Variants in ZNF516 observed in about 807,000 individuals in gnomAD.
ZNF516 encodes zinc finger protein 516.
In ZNF516, 19 loss-of-function variants were observed where a neutral mutation model predicts 79.7. That is an observed-to-expected ratio of 0.24 (90% CI 0.17 to 0.35). The LOEUF (loss-of-function observed/expected upper bound fraction) is 0.35, where lower values mean the gene tolerates loss of function less well. ZNF516 is among the 10% of genes least tolerant of loss of function. ZNF516 has a pLI of 1.00. For synonymous variants in ZNF516, 877 were observed against 739.5 expected, an observed-to-expected ratio of 1.19 and a Z score of -3.02; for missense variants, 1,678 against 1,679.5, an observed-to-expected ratio of 1.00 and a Z score of 0.02.
rs1026043173 is a variant in ZNF516, at chr18:76,373,360, A to G, written c.3260-1789T>C. On this transcript the variant is annotated intron_variant, in intron 4 of 6. Coordinates refer to ENST00000443185, the MANE Select transcript of ZNF516 (RefSeq NM_014643.4). ...AGAAAAGGAAGGAAAGGAAAGAAAG[A>G]AAAGAGATTTTTTAAGCTATTTTGT... Among the ~76,000 whole-genome samples, 25 of 144,596 alleles carry G rather than the reference A, an allele frequency of 1.7e-4. 1 individual carries two copies. Among genetic ancestry groups the G allele is most frequent in the Non-Finnish European group, 7.4e-5 (5 of 67,936 alleles). The allele number at this position is 144,596 out of a possible 152,430, so 94.9% of individuals were successfully genotyped here. A position where few individuals can be genotyped will look rare whatever the true frequency, so the allele number is the denominator to read the frequency against.
At chr18:76,473,427 A>G (rs1225122506) in intron 1 of ZNF516, among the ~76,000 whole-genome samples, 1 of 151,864 alleles carries the variant, frequency 6.6e-6, no homozygotes, top group African/African-American at 2.4e-5. Context: ...AGAGAAAAAT[A>G]TATCAGAAAA....
intron 1 of ZNF516, chr18:76,488,353 C>A (rs756626113): frequency 6.0e-6 from 4 of 664,558 alleles, no homozygotes; most frequent in Admixed American, 6.3e-5. Flanking sequence ...GGCCTTTTTG[C>A]GGGATGCTAG....
intron 3 of ZNF516, among the ~76,000 whole-genome samples, chr18:76,384,631 C>T (rs556821324): frequency 2.7e-5 from 4 of 148,300 alleles, no homozygotes; most frequent in South Asian, 2.3e-4. Flanking sequence ...TGGGACCTGG[C>T]GTAGGTGGCT....
chr18:76,428,705 C>T (rs2075626176), intron 3 of ZNF516, among the ~76,000 whole-genome samples: 1 of 152,228 alleles, frequency 6.6e-6, no homozygotes. Context: ...CTTACACAAG[C>T]AAATACATTT....
At chr18:76,439,969 G>C (rs924091844) in intron 3 of ZNF516, among the ~76,000 whole-genome samples, 1 of 152,086 alleles carries the variant, frequency 6.6e-6, no homozygotes, top group African/African-American at 2.4e-5. Context: ...ATCCAAAAGT[G>C]TTCATTGAAT....
chr18:76,389,430 A>T (rs2075038768), intron 3 of ZNF516: 3 of 152,244 alleles, frequency 2.0e-5, no homozygotes. Context: ...CAGCTGCCTT[A>T]TAAACAGTGC....
intron 3 of ZNF516, among the ~76,000 whole-genome samples, chr18:76,407,773 C>T (rs1190906610): frequency 6.6e-6 from 1 of 152,246 alleles, no homozygotes; most frequent in Non-Finnish European, 1.5e-5. Flanking sequence ...TCGTTGCCAG[C>T]CACCCAGACA....
At chr18:76,435,289 T>C (rs1257105558) in intron 3 of ZNF516, among the ~76,000 whole-genome samples, 1 of 152,222 alleles carries the variant, frequency 6.6e-6, no homozygotes, top group East Asian at 1.9e-4. Flanking sequence ...CTAACGCTTT[T>C]CACAGTCTAA....
In ZNF516 at chr18:76,442,581, C is replaced by G. The variant is rs140311885; in HGVS notation, c.474G>C (p.Lys158Asn). 6.3e-7 allele frequency: 1 copy of G among 1,598,130 alleles called. No homozygotes were observed. Among genetic ancestry groups the G allele is most frequent in the South Asian group, 1.1e-5 (1 of 91,008 alleles). The part of the protein sequence containing the change: ...SGRVLLRSSK[K>N]GAEGSACAPG... The stretch of plus-strand genomic sequence containing the variant: ...GGGCGCATGCGGACCCCTCTGCCCC[C>G]TTCTTGCTGCTCCGCAGCAGGACTC... Residue 158 changes from lysine (K) to asparagine (N), a missense_variant, in exon 3 of 7, where the codon AAG (lysine) becomes AAC (asparagine). By Grantham distance (94) the Lys-to-Asn change is moderately conservative. Coordinates refer to ENST00000443185, the MANE Select transcript of ZNF516 (RefSeq NM_014643.4).
intron 3 of ZNF516, among the ~76,000 whole-genome samples, chr18:76,414,001 T>C (rs1330450639): frequency 6.6e-6 from 1 of 152,250 alleles, no homozygotes; most frequent in Non-Finnish European, 1.5e-5. Context: ...TAAACAAACA[T>C]TGGAACAAAA....
upstream of ZNF516, chr18:76,495,729 T>TA (rs1190772546): frequency 1.7e-6 from 2 of 1,177,198 alleles, no homozygotes; most frequent in East Asian, 1.8e-4. Flanking sequence ...CGCCGGCGGG[T>TA]ACCTGGGCAC....
intron 3 of ZNF516, among the ~76,000 whole-genome samples, chr18:76,384,700 G>C (rs1259384755): frequency 1.3e-5 from 2 of 151,502 alleles, no homozygotes; most frequent in Non-Finnish European, 2.9e-5. Flanking sequence ...GAAGTGTCCG[G>C]GGAGGGGGCT....
At chr18:76,433,793 A>G (rs1187843199) in intron 3 of ZNF516, among the ~76,000 whole-genome samples, 1 of 152,164 alleles carries the variant, frequency 6.6e-6, no homozygotes, top group African/African-American at 2.4e-5. Context: ...CGGATACAGG[A>G]GGGCGACAAC....
At position 76,443,046 on chromosome 18, in the gene ZNF516, G is replaced by A; in HGVS notation, c.9C>T (p.Arg3=). Reference sequence around the variant, plus strand: ...TCAGCTCCATCTCGGCCTCTCTGTTGCGATCCATCCGAAGGACGGGCGCGG... The same window carrying A: ...TCAGCTCCATCTCGGCCTCTCTGTTACGATCCATCCGAAGGACGGGCGCGG... The part of the protein sequence containing the change: MD[R]NREAEMELRR... Residue 3 remains arginine, a synonymous_variant, in exon 3 of 7, where the codon CGC becomes CGT. Transcript: ENST00000443185. The A allele has an allele frequency of 6.3e-7, 1 of 1,589,778 alleles. No individual in the cohort carries two copies. The highest frequency in any genetic ancestry group is 8.5e-7 in the Non-Finnish European group (1 of 1,173,886).
At chr18:76,474,788 A>G (rs1914080539) in intron 1 of ZNF516, among the ~76,000 whole-genome samples, 1 of 152,212 alleles carries the variant, frequency 6.6e-6, no homozygotes, top group African/African-American at 2.4e-5. Context: ...AGAGGTTGGG[A>G]GGAATTAGGT....
Position 76,459,179 on chromosome 18 carries a change from G to A in ZNF516, c.-158+3849C>T, listed in dbSNP as rs1912939905. Among the ~76,000 whole-genome samples the A allele has an allele frequency of 6.6e-6, 1 of 152,212 alleles. No homozygotes were observed. On this transcript the variant is annotated intron_variant, in intron 2 of 6. Coordinates refer to ENST00000443185, the MANE Select transcript of ZNF516 (RefSeq NM_014643.4). The surrounding 1 kb of genome is among the most constrained non-coding windows in gnomAD (Gnocchi z 5.0). ...GAGCCAGACGCTGCAGCAGTAACGG[G>A]GCGCCGGGCCCACCTGCTGCCCCTC...
chr18:76,379,539 T>C lies in ZNF516; in HGVS notation c.2575A>G (p.Lys859Glu), dbSNP rs2074853095. 1 of 1,613,696 alleles carries C rather than the reference T, an allele frequency of 6.2e-7. No homozygotes were observed. The highest frequency in any genetic ancestry group is 1.3e-5 in the African/African-American group (1 of 75,066). ...SGSSPLGVVTKAASMPKNKES... is the reference protein window; with the variant it reads ...SGSSPLGVVTEAASMPKNKES... ...TTATTCTTAGGCATGCTAGCGGCTTTTGTGACCACTCCCAGGGGAGAAGAG... is the reference window on the plus strand; with the variant it reads ...TTATTCTTAGGCATGCTAGCGGCTTCTGTGACCACTCCCAGGGGAGAAGAG... The change falls in exon 4 of 7, where the codon AAA (lysine) becomes GAA (glutamate). Residue 859 changes from lysine (K) to glutamate (E), a missense_variant. Lys to Glu is a moderately conservative substitution (Grantham distance 56). This residue lies in a region of ZNF516 where 1,294 missense variants were observed against 1,248.3 expected (regional missense o/e 1.04). Transcript: ENST00000443185.
chr18:76,468,082 C>A (rs1171741976), intron 1 of ZNF516, among the ~76,000 whole-genome samples: 4 of 152,204 alleles, frequency 2.6e-5, no homozygotes, highest in African/African-American at 9.7e-5. Flanking sequence ...CCACTTCAGG[C>A]CACTCAAGGC....
intron 3 of ZNF516, among the ~76,000 whole-genome samples, chr18:76,426,308 A>G (rs548352472): frequency 1.3e-5 from 2 of 152,336 alleles, no homozygotes; most frequent in East Asian, 3.9e-4. Flanking sequence ...CCCATCTAGT[A>G]ATAAACAAAA....
Sources: allele counts gnomAD v4.1 joint callset (sites outside exome capture counted in the v4.1 genomes callset), GRCh38; gene constraint gnomAD v4.1.1; regional missense constraint gnomAD v4.1.1; non-coding constraint Gnocchi (gnomAD v3.1); transcripts MANE v1.5; gene names NCBI Gene and HGNC (gene_info 2026-07-23, HGNC 2026-07-21).